CNBD1: variants seen among roughly 807,000 people sequenced by gnomAD.
CNBD1 encodes the protein cyclic nucleotide-binding domain-containing protein 1.
Under a neutral mutation model 54.4 loss-of-function variants are expected in CNBD1, and 71 were observed. The observed-to-expected ratio is 1.30, with a 90% CI of 1.08 to 1.59. The LOEUF is 1.59. Among genes scored for constraint, CNBD1 ranks in the 40% most tolerant of loss-of-function variants. The pLI is 0.00. For synonymous variants in CNBD1, 182 were observed against 170.7 expected (o/e 1.07, Z -0.51); for missense variants, 659 against 518.0 (o/e 1.27, Z -2.64).
chr8:87,122,105 A>G (rs190814783), intron 4 of CNBD1, among the ~76,000 whole-genome samples: 6 of 151,722 alleles, frequency 4.0e-5, no homozygotes, highest in Non-Finnish European at 8.9e-5. Flanking sequence ...ACTGGGTCAT[A>G]TGGTAGTTCT....
intron 4 of CNBD1, among the ~76,000 whole-genome samples, chr8:87,040,292 T>G (rs1247352747): frequency 6.6e-6 from 1 of 152,254 alleles, no homozygotes; most frequent in East Asian, 1.9e-4. Flanking sequence ...GCTTGGAGAT[T>G]AAAAGCAAGA....
intron 10 of CNBD1, among the ~76,000 whole-genome samples, chr8:87,369,510 C>T (rs757556040): frequency 6.6e-6 from 1 of 152,004 alleles, no homozygotes; most frequent in Non-Finnish European, 1.5e-5. Context: ...CAAGTTCTCT[C>T]AGTCTTTATT....
chr8:87,214,898 G>A (rs182849948), intron 5 of CNBD1, among the ~76,000 whole-genome samples: 1 of 152,184 alleles, frequency 6.6e-6, no homozygotes, highest in East Asian at 1.9e-4. Context: ...CACAACACTT[G>A]GGAATTATGG....
chr8:87,334,613 C>G (rs1809903731), intron 8 of CNBD1, among the ~76,000 whole-genome samples: 1 of 151,602 alleles, frequency 6.6e-6, no homozygotes, highest in African/African-American at 2.4e-5. Context: ...TGATTTCTGC[C>G]TTAATTTTGT....
chr8:87,266,863 T>A (rs953308291), intron 6 of CNBD1, among the ~76,000 whole-genome samples: 1 of 152,132 alleles, frequency 6.6e-6, no homozygotes, highest in African/African-American at 2.4e-5. Context: ...ACTGCATGCC[T>A]ACTTTACACC....
At chr8:86,866,644 C>A in intron 1 of CNBD1, 61 bp downstream of exon 1, 1 of 1,301,700 alleles carries the variant, frequency 7.7e-7, no homozygotes, top group Non-Finnish European at 1.1e-6. Flanking sequence ...GGTTCTTACC[C>A]CAGCTATGAA....
At chr8:86,926,039 C>G (rs578063471) in intron 3 of CNBD1, among the ~76,000 whole-genome samples, 1 of 152,108 alleles carries the variant, frequency 6.6e-6, no homozygotes, top group South Asian at 2.1e-4. Flanking sequence ...CCATTTCTGT[C>G]CTATCAGAGT....
At chr8:86,990,847 G>A (rs1174143030) in intron 4 of CNBD1, among the ~76,000 whole-genome samples, 1 of 151,816 alleles carries the variant, frequency 6.6e-6, no homozygotes, top group Admixed American at 6.6e-5. Flanking sequence ...TTCATTTTTG[G>A]TGTCCTCTTA....
intron 8 of CNBD1, among the ~76,000 whole-genome samples, chr8:87,327,777 C>G (rs1234955136): frequency 1.3e-5 from 2 of 152,182 alleles, no homozygotes. Flanking sequence ...GTCGCTCACG[C>G]TGGGAGCTGT....
chr8:87,391,925 A>T (rs911736114), intron 2 of CNBD1, among the ~76,000 whole-genome samples: 2 of 152,104 alleles, frequency 1.3e-5, no homozygotes, highest in African/African-American at 4.8e-5. Flanking sequence ...AGAAAATTGC[A>T]GATAATTTCT....
At chr8:87,377,306 C>T (rs1233107691) in intron 10 of CNBD1, among the ~76,000 whole-genome samples, 1 of 148,760 alleles carries the variant, frequency 6.7e-6, no homozygotes, top group Non-Finnish European at 1.5e-5. Context: ...TCCCCCCTCC[C>T]CACACCCCAC....
chr8:87,285,817 G>A (rs1585984100), intron 7 of CNBD1, among the ~76,000 whole-genome samples: 1 of 152,110 alleles, frequency 6.6e-6, no homozygotes, highest in East Asian at 1.9e-4. Flanking sequence ...TTGTGGTGAG[G>A]AAAGATCGCA....
chr8:86,869,704 G>A (rs762822169), intron 1 of CNBD1, among the ~76,000 whole-genome samples: 1 of 152,022 alleles, frequency 6.6e-6, no homozygotes, highest in Non-Finnish European at 1.5e-5. Context: ...TTCTGGATGA[G>A]AATTATTTTA....
At chr8:86,894,734 C>G (rs758064006) in intron 2 of CNBD1, among the ~76,000 whole-genome samples, 13 of 152,186 alleles carry the variant, frequency 8.5e-5, no homozygotes, top group South Asian at 2.1e-4. Context: ...GATTTTTTTC[C>G]TCTGTTTCCA....
intron 10 of CNBD1, among the ~76,000 whole-genome samples, chr8:87,363,257 G>A (rs951559749): frequency 6.6e-6 from 1 of 151,408 alleles, no homozygotes; most frequent in Non-Finnish European, 1.5e-5. Flanking sequence ...TCTATCAATT[G>A]GGTTGGTTCC....
intron 4 of CNBD1, among the ~76,000 whole-genome samples, chr8:87,192,178 A>C (rs1164130084): frequency 6.6e-6 from 1 of 152,294 alleles, no homozygotes; most frequent in East Asian, 1.9e-4. Flanking sequence ...ATAGACAACT[A>C]ATTCATAAAA....
chr8:87,194,365 G>A (rs1388357459), intron 4 of CNBD1, among the ~76,000 whole-genome samples: 4 of 152,190 alleles, frequency 2.6e-5, no homozygotes, highest in Admixed American at 2.0e-4. Flanking sequence ...AAAGCTGAGT[G>A]TCTAAAGTGA....
chr8:87,400,237 T>C (rs1235548519), intron 2 of CNBD1, among the ~76,000 whole-genome samples: 1 of 151,980 alleles, frequency 6.6e-6, no homozygotes, highest in African/African-American at 2.4e-5. Context: ...GTAATTGCAT[T>C]TTTGCCATTA....
intron 2 of CNBD1, among the ~76,000 whole-genome samples, chr8:87,393,013 A>G (rs1356492532): frequency 6.6e-6 from 1 of 151,894 alleles, no homozygotes; most frequent in Non-Finnish European, 1.5e-5. Context: ...ATTTATTTAG[A>G]GGTTTTTGAT....
Sources: gnomAD v4.1 joint callset for allele counts (sites outside exome capture counted in the v4.1 genomes callset) on GRCh38, gnomAD v4.1.1 for gene constraint, MANE v1.5 for transcripts, NCBI Gene and HGNC (gene_info 2026-07-23, HGNC 2026-07-21) for gene names.